The following DLG2 variants were observed in gnomAD, a reference collection of about 807,000 sequenced individuals.
The protein encoded by DLG2 is disks large homolog 2.
A neutral mutation model predicts 132.5 loss-of-function variants in DLG2; 45 were observed. The ratio of observed to expected loss-of-function variants is 0.34; its 90% CI spans 0.27 to 0.44. The LOEUF (loss-of-function observed/expected upper bound fraction) is 0.44, where lower values mean the gene tolerates loss of function less well. DLG2 is among the 20% of genes least tolerant of loss of function. The pLI is 1.00. For synonymous variants in DLG2, 424 were observed against 419.6 expected (o/e 1.01, Z -0.13); for missense variants, 1,045 against 1,196.9 (o/e 0.87, Z 1.87).
intron 17 of DLG2, among the ~76,000 whole-genome samples, chr11:83,809,922 T>C (rs1355289568): frequency 6.6e-6 from 1 of 152,162 alleles, no homozygotes; most frequent in East Asian, 1.9e-4. Context: ...AAATATTGCT[T>C]CTCTTCAAAG....
intron 3 of DLG2, among the ~76,000 whole-genome samples, chr11:85,530,284 C>A (rs563077958): frequency 1.3e-5 from 2 of 151,652 alleles, no homozygotes; most frequent in Non-Finnish European, 2.9e-5. Flanking sequence ...GTGTAAGCCA[C>A]TGCGCCTGGC....
At chr11:83,689,915 TTA>T (rs1002869165) in intron 18 of DLG2, among the ~76,000 whole-genome samples, 3 of 144,668 alleles carry the variant, frequency 2.1e-5, no homozygotes, top group Non-Finnish European at 4.5e-5. Flanking sequence ...TATGTAAATA[TTA>T]TATATTTACA....
intron 18 of DLG2, among the ~76,000 whole-genome samples, chr11:83,648,514 A>C (rs2068965917): frequency 6.6e-6 from 1 of 152,178 alleles, no homozygotes; most frequent in Admixed American, 6.6e-5. Flanking sequence ...GAAAATGGGA[A>C]GCAGCCCCTT....
chr11:85,408,624 C>T lies in DLG2; in HGVS notation c.41-123259G>A, dbSNP rs546454183. ...ATGTGTTCTCATTGTTCAATTCCCACCTATGAGTGAGAACATGCGGTGTTT... is the reference window on the plus strand; with the variant it reads ...ATGTGTTCTCATTGTTCAATTCCCATCTATGAGTGAGAACATGCGGTGTTT... On this transcript the variant is annotated intron_variant, in intron 3 of 27. Transcript: ENST00000376104. 7.9e-3 allele frequency among the ~76,000 whole-genome samples: 1,164 copies of T among 147,212 alleles called. 14 individuals are homozygous for T. The highest frequency in any genetic ancestry group is 0.027 in the African/African-American group (1,095 of 39,852).
At chr11:84,823,045 A>T (rs1231402202) in intron 6 of DLG2, among the ~76,000 whole-genome samples, 1 of 151,944 alleles carries the variant, frequency 6.6e-6, no homozygotes, top group Non-Finnish European at 1.5e-5. Context: ...AGGGTAATTT[A>T]AAAATGCATG....
chr11:85,119,308 A>G (rs969974000), intron 5 of DLG2, among the ~76,000 whole-genome samples: 3 of 152,010 alleles, frequency 2.0e-5, no homozygotes. Context: ...AAAAAATATA[A>G]TATGGTATTT....
chr11:84,377,744 G>T (rs554761173), intron 7 of DLG2, among the ~76,000 whole-genome samples: 1 of 152,046 alleles, frequency 6.6e-6, no homozygotes, highest in East Asian at 1.9e-4. Context: ...CAAAATACAA[G>T]GTGAAATATT....
At chr11:84,819,244 T>G (rs1034084604) in intron 6 of DLG2, among the ~76,000 whole-genome samples, 26 of 151,940 alleles carry the variant, frequency 1.7e-4, no homozygotes, top group Non-Finnish European at 1.3e-4. Context: ...CTCTGAAGTC[T>G]ATGATGTTTC....
intron 6 of DLG2, among the ~76,000 whole-genome samples, chr11:84,683,769 AT>A (rs1269555985): frequency 2.6e-5 from 4 of 152,294 alleles, no homozygotes; most frequent in African/African-American, 9.6e-5. Context: ...TTGAGAAGCA[AT>A]TTCATTGTGA....
intron 7 of DLG2, among the ~76,000 whole-genome samples, chr11:84,369,742 A>G (rs2098698534): frequency 6.6e-6 from 1 of 152,062 alleles, no homozygotes; most frequent in Admixed American, 6.6e-5. Flanking sequence ...GCTGTATAAA[A>G]CCCTTCACTG....
chr11:84,514,842 A>G (rs1672309291), intron 7 of DLG2, among the ~76,000 whole-genome samples: 1 of 152,008 alleles, frequency 6.6e-6, no homozygotes, highest in Non-Finnish European at 1.5e-5. Context: ...CAAAGGATAA[A>G]TCCTTGAAGG....
At chr11:84,681,906 A>G (rs2099731103) in intron 6 of DLG2, among the ~76,000 whole-genome samples, 1 of 151,930 alleles carries the variant, frequency 6.6e-6, no homozygotes, top group Admixed American at 6.6e-5. Context: ...AAATATTGCT[A>G]TTATAGTATC....
At chr11:84,912,578 A>G (rs568760795) in intron 6 of DLG2, among the ~76,000 whole-genome samples, 2 of 152,368 alleles carry the variant, frequency 1.3e-5, no homozygotes, top group South Asian at 2.1e-4. Context: ...CAATTACACC[A>G]TCTTGAAATT....
chr11:85,398,882 T>C (rs965433843), intron 3 of DLG2, among the ~76,000 whole-genome samples: 3 of 152,162 alleles, frequency 2.0e-5, no homozygotes, highest in African/African-American at 7.2e-5. Context: ...TCTGAAACTA[T>C]TTCAATCAAT....
intron 17 of DLG2, among the ~76,000 whole-genome samples, chr11:83,827,861 C>T (rs1314456113): frequency 6.6e-6 from 1 of 152,164 alleles, no homozygotes. Context: ...CCTAAATTCT[C>T]CTCCATGAAT....
At chr11:83,992,100 C>T (rs1483749003) in intron 11 of DLG2, among the ~76,000 whole-genome samples, 1 of 152,152 alleles carries the variant, frequency 6.6e-6, no homozygotes, top group East Asian at 1.9e-4. Flanking sequence ...GTGGAACAAA[C>T]TCTTGCATTT....
intron 11 of DLG2, among the ~76,000 whole-genome samples, chr11:84,028,718 A>G (rs994992106): frequency 3.3e-5 from 5 of 152,146 alleles, no homozygotes; most frequent in Admixed American, 3.3e-4. Context: ...GCCCTTCTCC[A>G]AACTACTTCT....
chr11:84,854,331 T>G (rs532243654), intron 6 of DLG2, among the ~76,000 whole-genome samples: 169 of 151,992 alleles, frequency 1.1e-3, no homozygotes, highest in Non-Finnish European at 1.8e-3. Flanking sequence ...TAAACCCCTC[T>G]GAGCATCAGT....
intron 6 of DLG2, among the ~76,000 whole-genome samples, chr11:84,716,382 T>C: frequency 6.6e-6 from 1 of 152,202 alleles, no homozygotes; most frequent in Non-Finnish European, 1.5e-5. Context: ...TCTTTTATGT[T>C]TGTATGTATT....
Sources: allele counts gnomAD v4.1 joint callset (sites outside exome capture counted in the v4.1 genomes callset), GRCh38; gene constraint gnomAD v4.1.1; transcripts MANE v1.5; gene names NCBI Gene and HGNC (gene_info 2026-07-23, HGNC 2026-07-21).